The following ABCG2 variants were observed in gnomAD, a reference collection of about 807,000 sequenced individuals.
ABCG2 encodes ATP binding cassette subfamily G member 2 (JR blood group), also known as broad substrate specificity ATP-binding cassette transporter ABCG2.
Under a neutral mutation model 73.5 loss-of-function variants are expected in ABCG2, and 80 were observed. The ratio of observed to expected loss-of-function variants is 1.09; its 90% confidence interval spans 0.91 to 1.31. The LOEUF (loss-of-function observed/expected upper bound fraction) is 1.31. ABCG2 is among the 50% of genes most tolerant of loss of function. The pLI is 0.00. For missense variants in ABCG2, 796 were observed against 786.2 expected, an observed-to-expected ratio of 1.01 and a Z score of -0.15; for synonymous variants, 269 against 282.4, an observed-to-expected ratio of 0.95 and a Z score of 0.48.
At chr4:88,160,770 G>A (rs1159542435), upstream of ABCG2, among the ~76,000 whole-genome samples, 1 of 148,368 alleles carries the variant, frequency 6.7e-6, no homozygotes, top group Non-Finnish European at 1.5e-5. Context: ...AATTGCTGGA[G>A]CCAGGGAGGC....
At chr4:88,160,113 A>C (rs1354772372), upstream of ABCG2, among the ~76,000 whole-genome samples, 1 of 151,868 alleles carries the variant, frequency 6.6e-6, no homozygotes, top group Admixed American at 6.6e-5. Flanking sequence ...TGTGGTGGCG[A>C]GGCTGTAATC....
chr4:88,180,490 C>T (rs1476138681), intron 1 of ABCG2, among the ~76,000 whole-genome samples: 1 of 152,136 alleles, frequency 6.6e-6, no homozygotes, highest in Non-Finnish European at 1.5e-5. Flanking sequence ...AATCCCAGCA[C>T]ATGGGAGGCC....
intron 1 of ABCG2, among the ~76,000 whole-genome samples, chr4:88,225,302 A>C (rs561992910): frequency 7.9e-5 from 12 of 152,342 alleles, no homozygotes; most frequent in African/African-American, 2.4e-4. Flanking sequence ...GCTGTGTTCC[A>C]ATAAAACTTA....
At chr4:88,227,657 C>T (rs1030107859) in intron 1 of ABCG2, among the ~76,000 whole-genome samples, 1 of 152,094 alleles carries the variant, frequency 6.6e-6, no homozygotes, top group African/African-American at 2.4e-5. Context: ...CCCTAGGTGA[C>T]ATCTAAGCCT....
chr4:88,126,236 G>A (rs997910972), intron 5 of ABCG2, among the ~76,000 whole-genome samples: 2 of 152,104 alleles, frequency 1.3e-5, no homozygotes, highest in African/African-American at 4.8e-5. Context: ...GGAAGAAGTC[G>A]AATCACTGAG....
At chr4:88,180,503 G>A (rs745355768) in intron 1 of ABCG2, among the ~76,000 whole-genome samples, 9 of 152,166 alleles carry the variant, frequency 5.9e-5, no homozygotes, top group Non-Finnish European at 1.3e-4. Flanking sequence ...GGGAGGCCAA[G>A]GCAGGAGAAT....
chr4:88,129,941 T>G (rs896622560), intron 5 of ABCG2, among the ~76,000 whole-genome samples: 1 of 151,862 alleles, frequency 6.6e-6, no homozygotes, highest in Non-Finnish European at 1.5e-5. Flanking sequence ...CTCTAGAACC[T>G]AAAAGACAGC....
At chr4:88,201,755 A>G (rs1203129979) in intron 1 of ABCG2, 1 of 152,220 alleles carries the variant, frequency 6.6e-6, no homozygotes, top group Non-Finnish European at 1.5e-5. Flanking sequence ...AGAGAAGATT[A>G]GCACGGCGCC....
chr4:88,195,746 C>T (rs184551276), intron 1 of ABCG2, among the ~76,000 whole-genome samples: 16 of 152,276 alleles, frequency 1.1e-4, no homozygotes, highest in East Asian at 9.7e-4. Flanking sequence ...TCTTATGTCC[C>T]TTCTCCCCTG....
chr4:88,112,502 C>T (rs1228045689), intron 9 of ABCG2, among the ~76,000 whole-genome samples: 1 of 152,148 alleles, frequency 6.6e-6, no homozygotes. Context: ...CTTCTACCAT[C>T]TAACATGCTA....
At chr4:88,093,583 C>T (rs1355525724) in intron 15 of ABCG2, among the ~76,000 whole-genome samples, 1 of 151,936 alleles carries the variant, frequency 6.6e-6, no homozygotes, top group Non-Finnish European at 1.5e-5. Flanking sequence ...TACCATGAAG[C>T]CCATGGTGGT....
intron 1 of ABCG2, among the ~76,000 whole-genome samples, chr4:88,179,467 C>T (rs1728143348): frequency 6.6e-6 from 1 of 152,170 alleles, no homozygotes; most frequent in Non-Finnish European, 1.5e-5. Flanking sequence ...GCCCAGACTA[C>T]AATAAATACT....
upstream of ABCG2, among the ~76,000 whole-genome samples, chr4:88,163,085 G>T (rs574211041): frequency 2.0e-5 from 3 of 152,140 alleles, no homozygotes; most frequent in South Asian, 4.1e-4. Flanking sequence ...GGGACATTTG[G>T]GTTACATATA....
At chr4:88,215,292 C>T (rs1031704795) in intron 1 of ABCG2, among the ~76,000 whole-genome samples, 2 of 152,132 alleles carry the variant, frequency 1.3e-5, no homozygotes, top group African/African-American at 4.8e-5. Context: ...ATGGTCCTAA[C>T]AGTCTGAAAA....
At chr4:88,215,813 G>A (rs1443789654) in intron 1 of ABCG2, among the ~76,000 whole-genome samples, 1 of 152,172 alleles carries the variant, frequency 6.6e-6, no homozygotes, top group African/African-American at 2.4e-5. Flanking sequence ...TTGACATCTA[G>A]GCAGAAAAAA....
intron 1 of ABCG2, among the ~76,000 whole-genome samples, chr4:88,224,500 G>GTT (rs70959613): frequency 2.1e-4 from 31 of 150,360 alleles, no homozygotes; most frequent in Admixed American, 2.6e-4. Flanking sequence ...TTTTTTGTTT[G>GTT]TTTTTTTTTG....
At chr4:88,211,358 G>GCCCCCCCCCCCCCCCCCCCCTCC (rs1264405228) in intron 1 of ABCG2, among the ~76,000 whole-genome samples, 1 of 33,648 alleles carries the variant, frequency 3.0e-5, no homozygotes, top group Non-Finnish European at 5.6e-5. Context: ...TTCAACCCCT[G>GCCCCCCCCCCCCCCCCCCCCTCC]CCCCACCCCC....
At chr4:88,175,405 G>C (rs1358928948) in intron 1 of ABCG2, among the ~76,000 whole-genome samples, 2 of 152,078 alleles carry the variant, frequency 1.3e-5, no homozygotes, top group South Asian at 4.1e-4. Context: ...ATGTGTAGTA[G>C]GCTAAATTTA....
intron 10 of ABCG2, among the ~76,000 whole-genome samples, chr4:88,101,551 G>T (rs1278659173): frequency 6.6e-6 from 1 of 152,112 alleles, no homozygotes; most frequent in Non-Finnish European, 1.5e-5. Flanking sequence ...GTTGTGGAAT[G>T]AATTGCGTCT....
Sources: gnomAD v4.1 joint callset for allele counts (sites outside exome capture counted in the v4.1 genomes callset) on GRCh38, gnomAD v4.1.1 for gene constraint, MANE v1.5 for transcripts, NCBI Gene and HGNC (gene_info 2026-07-23, HGNC 2026-07-21) for gene names.